TIMM10B: variants seen among roughly 807,000 people sequenced by gnomAD.
The protein encoded by TIMM10B is translocase of inner mitochondrial membrane 10B, also known as mitochondrial import inner membrane translocase subunit Tim10 B.
In TIMM10B, 17 loss-of-function variants were observed where a neutral mutation model predicts 12.6. The observed-to-expected ratio is 1.35, with a 90% CI of 0.92 to 2.03. The LOEUF is 2.03. Among genes scored for constraint, TIMM10B ranks in the 30% most tolerant of loss-of-function variants. The probability of loss-of-function intolerance (pLI) is 0.00; values close to 1 mark genes in which losing one functional copy is unlikely to be tolerated. For missense variants in TIMM10B, 165 were observed against 133.3 expected (o/e 1.24, Z -1.17); for synonymous variants, 63 against 51.3 (o/e 1.23, Z -0.97).
In TIMM10B at chr11:6,481,776, TC is replaced by T; in HGVS notation, c.60del (p.Tyr21ThrfsTer4). Reference protein sequence around the residue: ...QLRNLRDFLLVYNRMTELCFQ... With the variant: ...QLRNLRDFLLXYNRMTELCFQ... Reference sequence around the variant, plus strand: ...TCTCAGCTGCGTGACTTCCTGTTGGTCTACAATCGGATGACAGAACTCTGCT... The same window carrying T: ...TCTCAGCTGCGTGACTTCCTGTTGGTTACAATCGGATGACAGAACTCTGCT... On this transcript the variant is annotated frameshift_variant, in exon 2 of 3. Transcript: ENST00000254616. LOFTEE classifies it high-confidence loss of function. 6.2e-7 allele frequency: 1 copy of T among 1,614,114 alleles called. No individual in the cohort carries two copies. The highest frequency in any genetic ancestry group is 2.2e-5 in the East Asian group (1 of 44,880).
At position 6,482,039 on chromosome 11, in the gene TIMM10B, T is replaced by C. The variant is rs746351621; in HGVS notation, c.136-6T>C. On this transcript the variant is annotated splice_region_variant and splice_polypyrimidine_tract_variant and intron_variant, in intron 2 of 2. Transcript: ENST00000254616. ...ATCCTCCACTTAAACCCTATCTTCCTTCTAGGAGGCCTGTCTGCACAGCTG... is the reference window on the plus strand; with the variant it reads ...ATCCTCCACTTAAACCCTATCTTCCCTCTAGGAGGCCTGTCTGCACAGCTG... 8.7e-6 allele frequency: 14 copies of C among 1,610,190 alleles called. No homozygotes were observed. Among genetic ancestry groups the C allele is most frequent in the Non-Finnish European group, 1.2e-5 (14 of 1,176,934 alleles).
At chr11:6,481,894 A>G in intron 2 of TIMM10B, 42 bp downstream of exon 2, 1 of 1,610,678 alleles carries the variant, frequency 6.2e-7, no homozygotes, top group Non-Finnish European at 8.5e-7. Context: ...AGAAGAGTTT[A>G]GCGGTAGACT....
chr11:6,482,499 T>C lies in TIMM10B; in HGVS notation c.*278T>C. ...CCCTGGCAGCTGAGAAATTGTTTTCTATATGTAGAAGGAAAACCTGAGCAT... is the reference window on the plus strand; with the variant it reads ...CCCTGGCAGCTGAGAAATTGTTTTCCATATGTAGAAGGAAAACCTGAGCAT... On this transcript the variant is annotated 3_prime_UTR_variant, in exon 3 of 3. Coordinates refer to ENST00000254616, the MANE Select transcript of TIMM10B (RefSeq NM_012192.4). 2 of 407,122 alleles carry C rather than the reference T, an allele frequency of 4.9e-6. No individual in the cohort carries two copies. Among genetic ancestry groups the C allele is most frequent in the South Asian group, 4.1e-5 (1 of 24,540 alleles). The allele number at this position is 407,122 out of a possible 1,614,324, so 25.2% of individuals were successfully genotyped here.
At chr11:6,481,946 CT>C in intron 2 of TIMM10B, 94 bp downstream of exon 2, 1 of 1,599,612 alleles carries the variant, frequency 6.3e-7, no homozygotes, top group Non-Finnish European at 8.5e-7. Flanking sequence ...TGGCCCTGGC[CT>C]TCCCACGACC....
rs1280361389 is a variant in TIMM10B at position 6,484,280 on chromosome 11, G to A, written c.*2059G>A. 2 of 152,146 alleles carry A rather than the reference G, an allele frequency of 1.3e-5. No homozygotes were observed. The highest frequency in any genetic ancestry group is 1.3e-4 in the Admixed American group (2 of 15,274). 9.4% of individuals were successfully genotyped at this position (152,146 alleles called of 1,614,324 possible). A position where few individuals can be genotyped will look rare whatever the true frequency, so the allele number is the denominator to read the frequency against. On this transcript the variant is annotated 3_prime_UTR_variant, in exon 3 of 3. Transcript: ENST00000254616. ...ATTTTGTTTTTGTATTTTAAGTAGA[G>A]ACGGGGTTTCACTGTATTGGTCAGG...
At position 6,482,052 on chromosome 11, in the gene TIMM10B, G is replaced by C; in HGVS notation, c.143G>C (p.Cys48Ser). Residue 48 changes from cysteine (C) to serine (S), a missense_variant, in exon 3 of 3, where the codon TGT (cysteine) becomes TCT (serine). Cys to Ser is a moderately radical substitution (Grantham distance 112). Coordinates refer to ENST00000254616, the MANE Select transcript of TIMM10B (RefSeq NM_012192.4). ...ACCCTATCTTCCTTCTAGGAGGCCT[G>C]TCTGCACAGCTGTGCTGGGAAGCTG... ...HRALDAEEEA[C>S]LHSCAGKLIH... 6.2e-7 allele frequency: 1 copy of C among 1,612,602 alleles called. No individual in the cohort carries two copies. The highest frequency in any genetic ancestry group is 8.5e-7 in the Non-Finnish European group (1 of 1,178,840).
chr11:6,481,773 T>C lies in TIMM10B; in HGVS notation c.56T>C (p.Leu19Ser). ...QQLRNLRDFL[L>S]VYNRMTELCF... ...TTCTCTCAGCTGCGTGACTTCCTGT[T>C]GGTCTACAATCGGATGACAGAACTC... The change falls in exon 2 of 3, where the codon TTG (leucine) becomes TCG (serine). Residue 19 changes from leucine to serine, a missense_variant. Transcript: ENST00000254616. 1 of 1,614,168 alleles carries C rather than the reference T, an allele frequency of 6.2e-7. No homozygotes were observed. The highest frequency in any genetic ancestry group is 8.5e-7 in the Non-Finnish European group (1 of 1,180,048).
chr11:6,481,974 G>A (rs528127957), intron 2 of TIMM10B, 71 bp from the exon 3 acceptor site: 2 of 1,594,586 alleles, frequency 1.3e-6, no homozygotes, highest in East Asian at 2.2e-5. Flanking sequence ...CCTAGGCTGG[G>A]CATGGGGAAG....
chr11:6,481,930 T>C, intron 2 of TIMM10B, 78 bp downstream of exon 2: 1 of 1,603,134 alleles, frequency 6.2e-7, no homozygotes, highest in Non-Finnish European at 8.5e-7. Context: ...CCACTTCCCG[T>C]ACCTCTGGCC....
chr11:6,482,930 T>C lies in TIMM10B; in HGVS notation c.*709T>C, dbSNP rs1458296137. On this transcript the variant is annotated 3_prime_UTR_variant, in exon 3 of 3. Transcript: ENST00000254616. ...TTTGGGCACTGCCTCCTTGGGAAGT[T>C]AGTGGCCACAGAAGAGAGATGAAAC... 6.6e-6 allele frequency: 1 copy of C among 152,220 alleles called. No individual in the cohort carries two copies. The highest frequency in any genetic ancestry group is 2.4e-5 in the African/African-American group (1 of 41,456). 9.4% of individuals were successfully genotyped at this position (152,220 alleles called of 1,614,324 possible). A position where few individuals can be genotyped will look rare whatever the true frequency, so the allele number is the denominator to read the frequency against.
At chr11:6,482,024 T>C in intron 2 of TIMM10B, 21 bp from the exon 3 acceptor site, 1 of 1,607,244 alleles carries the variant, frequency 6.2e-7, no homozygotes, top group Non-Finnish European at 8.5e-7. Context: ...ATCCTCCACT[T>C]AAACCCTATC....
In TIMM10B at chr11:6,482,067, C is replaced by T. The variant is rs1374357035; in HGVS notation, c.158C>T (p.Ala53Val). The change falls in exon 3 of 3, where the codon GCT (alanine) becomes GTT (valine). Residue 53 changes from alanine (A) to valine (V), a missense_variant. Physicochemically the swap from Ala to Val is moderately conservative, Grantham distance 64. Coordinates refer to ENST00000254616, the MANE Select transcript of TIMM10B (RefSeq NM_012192.4). ...TAGGAGGCCTGTCTGCACAGCTGTG[C>T]TGGGAAGCTGATCCATTCCAACCAC... ...AEEEACLHSC[A>V]GKLIHSNHRL... 8.7e-6 allele frequency: 14 copies of T among 1,613,726 alleles called. No homozygotes were observed. Among genetic ancestry groups the T allele is most frequent in the African/African-American group, 1.3e-5 (1 of 74,946 alleles).
In TIMM10B at chr11:6,481,708, G is replaced by C. The variant is rs753643044; in HGVS notation, c.40-49G>C. ...ACTTTGGGCGGCGCGACCTTGACTA[G>C]AAGTGTGGGGCCCTTATCGCTGAGT... On this transcript the variant is annotated intron_variant, in intron 1 of 2. Coordinates refer to ENST00000254616, the MANE Select transcript of TIMM10B (RefSeq NM_012192.4). 3.1e-6 allele frequency: 5 copies of C among 1,612,956 alleles called. No individual in the cohort carries two copies. In the Admixed American group the frequency reaches 5.0e-5, roughly 16 times the overall value.
chr11:6,484,426 A>G lies in TIMM10B; in HGVS notation c.*2205A>G, dbSNP rs896116134. 3 of 152,170 alleles carry G rather than the reference A, an allele frequency of 2.0e-5. No individual in the cohort carries two copies. The highest frequency in any genetic ancestry group is 3.9e-4 in the East Asian group (2 of 5,194). The allele number at this position is 152,170 out of a possible 1,614,324, so 9.4% of individuals were successfully genotyped here. ...TTTCTTATTGAGAAAAGTGGTTCCA[A>G]TCATGTTTTTTGCCCCCTTTAGCTG... On this transcript the variant is annotated 3_prime_UTR_variant, in exon 3 of 3. Transcript: ENST00000254616.
rs11555935 is a variant in TIMM10B at position 6,481,550 on chromosome 11, C to T, written c.34C>T (p.Arg12Ter). Residue 12 changes from arginine (R) to a stop codon, truncating the protein, a stop_gained, in exon 1 of 3, where the codon CGA (arginine) becomes TGA (stop). Coordinates refer to ENST00000254616, the MANE Select transcript of TIMM10B (RefSeq NM_012192.4). LOFTEE classifies it high-confidence loss of function. ...ERQQQQQQQL[R>*]NLRDFLLVYN... ...GCAGCAGCAGCAGCAACAGCAACTG[C>T]GAAACGTAAGTGAGAACTAAGTCGT... The T allele has an allele frequency of 6.2e-7, 1 of 1,608,136 alleles. No individual in the cohort carries two copies. The highest frequency in any genetic ancestry group is 8.5e-7 in the Non-Finnish European group (1 of 1,177,544).
In TIMM10B at chr11:6,482,399, T is replaced by G; in HGVS notation, c.*178T>G. 1 of 600,182 alleles carries G rather than the reference T, an allele frequency of 1.7e-6. No individual in the cohort carries two copies. The highest frequency in any genetic ancestry group is 2.9e-6 in the Non-Finnish European group (1 of 346,640). 37.2% of individuals were successfully genotyped at this position (600,182 alleles called of 1,614,324 possible). On this transcript the variant is annotated 3_prime_UTR_variant, in exon 3 of 3. Transcript: ENST00000254616. ...TTTTTACTCAGTTTGATTTATATTC[T>G]GGGCAAGGAAGCTTTGCCTACTTTA...
chr11:6,481,673 G>T, intron 1 of TIMM10B, 84 bp from the exon 2 acceptor site: 4 of 1,598,112 alleles, frequency 2.5e-6, no homozygotes, highest in Non-Finnish European at 2.6e-6. Context: ...ATGGCGCGCG[G>T]GCCTGGGAAA....
In TIMM10B at chr11:6,482,339, G is replaced by A; in HGVS notation, c.*118G>A. Reference sequence around the variant, plus strand: ...ATTCGAGGTTGCCTGAAAGCTGGGTGTCCTTGCTCCTTTTCCTGGAGCCAA... The same window carrying A: ...ATTCGAGGTTGCCTGAAAGCTGGGTATCCTTGCTCCTTTTCCTGGAGCCAA... On this transcript the variant is annotated 3_prime_UTR_variant, in exon 3 of 3. Transcript: ENST00000254616. 1.1e-6 allele frequency: 1 copy of A among 946,324 alleles called. No homozygotes were observed. Among genetic ancestry groups the A allele is most frequent in the Non-Finnish European group, 1.5e-6 (1 of 650,868 alleles). 58.6% of individuals were successfully genotyped at this position (946,324 alleles called of 1,614,324 possible).
rs1264767079 is a variant in TIMM10B, at chr11:6,483,886, C to T, written c.*1665C>T. 6.6e-6 allele frequency: 1 copy of T among 152,192 alleles called. No individual in the cohort carries two copies. The highest frequency in any genetic ancestry group is 1.9e-4 in the East Asian group (1 of 5,202). The allele number at this position is 152,192 out of a possible 1,614,324, so 9.4% of individuals were successfully genotyped here. A position where few individuals can be genotyped will look rare whatever the true frequency, so the allele number is the denominator to read the frequency against. On this transcript the variant is annotated 3_prime_UTR_variant, in exon 3 of 3. Transcript: ENST00000254616. The stretch of plus-strand genomic sequence containing the variant: ...GACTTTAAAGTCCATGTTCATTTTA[C>T]ACAGCAGGCTGCCTCTTAAGATAGT...
Sources: allele counts gnomAD v4.1 joint callset, GRCh38; gene constraint gnomAD v4.1.1; transcripts MANE v1.5; gene names NCBI Gene and HGNC (gene_info 2026-07-23, HGNC 2026-07-21).